CREB5: variants seen among roughly 807,000 people sequenced by gnomAD.
CREB5 encodes cyclic AMP-responsive element-binding protein 5.
Under a neutral mutation model 57.1 loss-of-function variants are expected in CREB5, and 19 were observed. The observed-to-expected ratio is 0.33, with a 90% CI of 0.23 to 0.49. CREB5 has a LOEUF of 0.49. Ranked by LOEUF, CREB5 falls within the 20% of genes least tolerant of loss-of-function variation. The pLI is 0.99. For missense variants in CREB5, 579 were observed against 671.6 expected (o/e 0.86, Z 1.52); for synonymous variants, 238 against 238.3 (o/e 1.00, Z 0.01).
exon 1 of CREB5, chr7:28,299,365 AC>A (rs1785061900): frequency 6.6e-6 from 1 of 152,232 alleles, no homozygotes; most frequent in South Asian, 2.1e-4. Flanking sequence ...GATTTTGGAC[AC>A]GGTTATGAGA....
chr7:28,702,305 TTTCGTAA>T (rs1801902427), intron 5 of CREB5, among the ~76,000 whole-genome samples: 1 of 152,248 alleles, frequency 6.6e-6, no homozygotes, highest in Non-Finnish European at 1.5e-5. Flanking sequence ...AGCACTTAAC[TTTCGTAA>T]GAACACTTGA....
chr7:28,509,563 G>T (rs1254776203), intron 4 of CREB5, among the ~76,000 whole-genome samples: 1 of 152,098 alleles, frequency 6.6e-6, no homozygotes, highest in African/African-American at 2.4e-5. Flanking sequence ...CCCTAGACCA[G>T]ACTTTCAGTT....
chr7:28,533,946 A>G (rs1222741005), intron 4 of CREB5, among the ~76,000 whole-genome samples: 1 of 152,210 alleles, frequency 6.6e-6, no homozygotes, highest in Non-Finnish European at 1.5e-5. Context: ...GCAGGACTCC[A>G]ACATTTACTT....
chr7:28,648,616 C>T (rs1798999053), intron 5 of CREB5, among the ~76,000 whole-genome samples: 1 of 152,014 alleles, frequency 6.6e-6, no homozygotes, highest in South Asian at 2.1e-4. Context: ...CTGGTGCATG[C>T]CCGTAGTCTC....
At chr7:28,603,929 C>T (rs781412429) in intron 5 of CREB5, among the ~76,000 whole-genome samples, 4 of 152,084 alleles carry the variant, frequency 2.6e-5, no homozygotes, top group African/African-American at 9.7e-5. Context: ...GGTTGTTTCA[C>T]AAGTTTAAGG....
chr7:28,629,390 C>G (rs1798119532), intron 5 of CREB5, among the ~76,000 whole-genome samples: 1 of 152,222 alleles, frequency 6.6e-6, no homozygotes, highest in African/African-American at 2.4e-5. Context: ...GTCAGCCAAG[C>G]TGTTCAGCTG....
chr7:28,769,448 T>C (rs1297458252), intron 7 of CREB5, among the ~76,000 whole-genome samples: 1 of 152,232 alleles, frequency 6.6e-6, no homozygotes, highest in Non-Finnish European at 1.5e-5. Flanking sequence ...ATGTTACATA[T>C]ACCCATAAAT....
intron 6 of CREB5, among the ~76,000 whole-genome samples, chr7:28,719,679 G>A (rs1802908209): frequency 6.6e-6 from 1 of 152,194 alleles, no homozygotes; most frequent in Admixed American, 6.5e-5. Flanking sequence ...GGGTTACAGA[G>A]CTAATAGGTG....
chr7:28,419,339 T>A (rs961720347), intron 1 of CREB5, among the ~76,000 whole-genome samples: 6 of 152,230 alleles, frequency 3.9e-5, no homozygotes, highest in African/African-American at 7.2e-5. Flanking sequence ...CAATGTACTG[T>A]CTTCACACTT....
intron 5 of CREB5, among the ~76,000 whole-genome samples, chr7:28,624,676 GA>G (rs56161206): frequency 0.034 from 4,390 of 130,078 alleles, 180 homozygotes; most frequent in African/African-American, 0.11. Flanking sequence ...CAACAGACGT[GA>G]AAAAAAAAAA....
At chr7:28,557,588 TA>T (rs1794928077) in intron 4 of CREB5, among the ~76,000 whole-genome samples, 1 of 152,112 alleles carries the variant, frequency 6.6e-6, no homozygotes, top group Non-Finnish European at 1.5e-5. Flanking sequence ...ATAGATTAAA[TA>T]AGGGTGAAAT....
intron 4 of CREB5, among the ~76,000 whole-genome samples, chr7:28,546,251 C>A (rs1794419542): frequency 6.6e-6 from 1 of 152,168 alleles, no homozygotes; most frequent in Admixed American, 6.5e-5. Context: ...AAATAATATT[C>A]CATTGTATGG....
chr7:28,595,725 C>T lies in CREB5; in HGVS notation c.464+25188C>T, dbSNP rs541573027. Among the ~76,000 whole-genome samples the T allele has an allele frequency of 3.4e-4, 52 of 152,336 alleles. No homozygotes were observed. The South Asian group carries it at 8.3e-3, about 24-fold the overall frequency. On this transcript the variant is annotated intron_variant, in intron 5 of 10. Transcript: ENST00000357727. ...ATGAAGACAGAGCATGGAAATGGGT[C>T]TGGCTTATGGCTCTTCTGGCAGCAG...
intron 1 of CREB5, among the ~76,000 whole-genome samples, chr7:28,357,031 A>C (rs938517926): frequency 3.5e-4 from 54 of 152,188 alleles, no homozygotes; most frequent in Non-Finnish European, 4.9e-4. Flanking sequence ...AAAAATGCCA[A>C]GGGCCCTGGC....
upstream of CREB5, chr7:28,410,379 C>G (rs1025465106): frequency 3.3e-5 from 15 of 456,618 alleles, no homozygotes; most frequent in African/African-American, 2.8e-4. Flanking sequence ...CAAGACCTGG[C>G]GGCGGAGTCT....
At chr7:28,735,441 G>A (rs917218341) in intron 7 of CREB5, among the ~76,000 whole-genome samples, 1 of 152,202 alleles carries the variant, frequency 6.6e-6, no homozygotes, top group Non-Finnish European at 1.5e-5. Context: ...TCAATCTCTG[G>A]CCATTTTTAT....
chr7:28,589,292 C>T (rs555465660), intron 5 of CREB5, among the ~76,000 whole-genome samples: 3 of 152,042 alleles, frequency 2.0e-5, no homozygotes, highest in East Asian at 1.9e-4. Flanking sequence ...CAGTGGCTCA[C>T]GCATGTAATC....
intron 1 of CREB5, among the ~76,000 whole-genome samples, chr7:28,470,582 G>T (rs981125479): frequency 2.6e-5 from 4 of 152,088 alleles, no homozygotes; most frequent in Non-Finnish European, 4.4e-5. Flanking sequence ...TTTCTTTTGG[G>T]TACATACCCA....
intron 1 of CREB5, among the ~76,000 whole-genome samples, chr7:28,456,790 TG>T (rs1790110712): frequency 2.0e-5 from 3 of 152,258 alleles, no homozygotes; most frequent in Non-Finnish European, 4.4e-5. Flanking sequence ...ATTTTATTCT[TG>T]CTCTCTCTTT....
Sources: allele counts gnomAD v4.1 joint callset (sites outside exome capture counted in the v4.1 genomes callset), GRCh38; gene constraint gnomAD v4.1.1; transcripts MANE v1.5; gene names NCBI Gene and HGNC (gene_info 2026-07-23, HGNC 2026-07-21).